Variants in ZNF79 observed in about 807,000 individuals in gnomAD.
ZNF79 encodes zinc finger protein 79.
In ZNF79, 13 loss-of-function variants were observed where a neutral mutation model predicts 14.9. The observed-to-expected ratio is 0.87, with a 90% CI of 0.57 to 1.38. The LOEUF (loss-of-function observed/expected upper bound fraction) is 1.38, where lower values mean the gene tolerates loss of function less well. Among genes scored for constraint, ZNF79 ranks in the 40% most tolerant of loss-of-function variants. The probability of loss-of-function intolerance (pLI) is 0.00; values close to 1 mark genes in which losing one functional copy is unlikely to be tolerated. For missense variants in ZNF79, 631 were observed against 630.6 expected (o/e 1.00, Z -0.01); for synonymous variants, 223 against 235.1 (o/e 0.95, Z 0.47).
intron 2 of ZNF79, among the ~76,000 whole-genome samples, chr9:127,430,201 A>G (rs1160061304): frequency 6.6e-6 from 1 of 152,152 alleles, no homozygotes; most frequent in Non-Finnish European, 1.5e-5. Context: ...AATTCGATGA[A>G]CATTCTCCCA....
intron 4 of ZNF79, among the ~76,000 whole-genome samples, chr9:127,439,047 G>A (rs182793771): frequency 3.2e-4 from 48 of 152,108 alleles, no homozygotes; most frequent in Non-Finnish European, 5.3e-4. Flanking sequence ...GGGAGGCAGA[G>A]ACTGCCATGA....
In ZNF79 at chr9:127,444,514, AC is replaced by A; in HGVS notation, c.816del (p.Gly273GlufsTer133). Reference protein sequence around the residue: ...ANLTKHQRTHTGEKPYRCSEC... With the variant: ...ANLTKHQRTHXGEKPYRCSEC... Reference sequence around the variant, plus strand: ...CCTCACCAAACACCAGCGAACCCACACCGGAGAGAAGCCCTACAGATGCAGC... The same window carrying A: ...CCTCACCAAACACCAGCGAACCCACACGGAGAGAAGCCCTACAGATGCAGC... On this transcript the variant is annotated frameshift_variant, in exon 5 of 5. Transcript: ENST00000342483. LOFTEE classifies it low-confidence loss of function (END_TRUNC). The A allele has an allele frequency of 6.2e-7, 1 of 1,611,286 alleles. No homozygotes were observed. Among genetic ancestry groups the A allele is most frequent in the Non-Finnish European group, 8.5e-7 (1 of 1,177,540 alleles).
At position 127,424,498 on chromosome 9, in the gene ZNF79, C is replaced by T. The variant is rs1833712551; in HGVS notation, c.-290C>T. Reference sequence around the variant, plus strand: ...TTGTTGCCAGTTGCCAGTTGCCAGTCGTTTTTCGGAAAGCTGGCAGCGGCT... The same window carrying T: ...TTGTTGCCAGTTGCCAGTTGCCAGTTGTTTTTCGGAAAGCTGGCAGCGGCT... On this transcript the variant is annotated 5_prime_UTR_variant, in exon 1 of 5. Coordinates refer to ENST00000342483, the MANE Select transcript of ZNF79 (RefSeq NM_007135.3). The T allele has an allele frequency of 2.5e-6, 1 of 403,064 alleles. No homozygotes were observed. Among genetic ancestry groups the T allele is most frequent in the Non-Finnish European group, 4.6e-6 (1 of 218,854 alleles). The allele number at this position is 403,064 out of a possible 1,614,324, so 25.0% of individuals were successfully genotyped here. A position where few individuals can be genotyped will look rare whatever the true frequency, so the allele number is the denominator to read the frequency against.
At position 127,445,299 on chromosome 9, in the gene ZNF79, TCTAA is replaced by T. The variant is rs1409605491; in HGVS notation, c.*105_*108del. 4.6e-6 allele frequency: 6 copies of T among 1,315,720 alleles called. No homozygotes were observed. The highest frequency in any genetic ancestry group is 1.5e-5 in the African/African-American group (1 of 68,202). The allele number at this position is 1,315,720 out of a possible 1,614,324, so 81.5% of individuals were successfully genotyped here. ...AAAGGCTTGAAAGCATCTGAAGACA[TCTAA>T]CTTAGAGTCTGCAGCCCAGAGCCAC... On this transcript the variant is annotated 3_prime_UTR_variant, in exon 5 of 5. Transcript: ENST00000342483.
chr9:127,445,257 A>G lies in ZNF79; in HGVS notation c.*60A>G, dbSNP rs1834150549. ...CATGCCGACTCAGGACAGGTGGGTGAGGATCTGAGAAATGCTAAAGGCTTG... is the reference window on the plus strand; with the variant it reads ...CATGCCGACTCAGGACAGGTGGGTGGGGATCTGAGAAATGCTAAAGGCTTG... On this transcript the variant is annotated 3_prime_UTR_variant, in exon 5 of 5. Transcript: ENST00000342483. 2 of 1,548,974 alleles carry G rather than the reference A, an allele frequency of 1.3e-6. No homozygotes were observed. The highest frequency in any genetic ancestry group is 1.8e-6 in the Non-Finnish European group (2 of 1,139,936).
In ZNF79 at chr9:127,435,756, C is replaced by T. The variant is rs181259649; in HGVS notation, c.233-152C>T. On this transcript the variant is annotated intron_variant, in intron 3 of 4. Transcript: ENST00000342483. ...CCATGTCTCTTATGTACTGCTATAG[C>T]CCCTGGTGTAGGCACTAAGTAAGAG... 68 of 671,928 alleles carry T rather than the reference C, an allele frequency of 1.0e-4. No homozygotes were observed. In the East Asian group the frequency reaches 1.7e-3, roughly 17 times the overall value. 41.6% of individuals were successfully genotyped at this position (671,928 alleles called of 1,614,324 possible).
In ZNF79 at chr9:127,444,181, CAG is replaced by C. The variant is rs1564238804; in HGVS notation, c.486_487del (p.Arg162SerfsTer11). On this transcript the variant is annotated frameshift_variant, in exon 5 of 5. Transcript: ENST00000342483. LOFTEE classifies it low-confidence loss of function (END_TRUNC). ...FNLRPVLSPQQRVPVEARPRK... is the reference protein window; with the variant it reads ...FNLRPVLSPQXRVPVEARPRK... ...TCTGAGACCAGTCCTCTCTCCGCAACAGAGAGTGCCCGTGGAAGCGAGACCTC... is the reference window on the plus strand; with the variant it reads ...TCTGAGACCAGTCCTCTCTCCGCAACAGAGTGCCCGTGGAAGCGAGACCTC... 4 of 1,613,968 alleles carry C rather than the reference CAG, an allele frequency of 2.5e-6. No individual in the cohort carries two copies. Among genetic ancestry groups the C allele is most frequent in the African/African-American group, 2.7e-5 (2 of 74,944 alleles).
chr9:127,427,673 C>T (rs911467645), intron 1 of ZNF79, among the ~76,000 whole-genome samples: 9 of 151,598 alleles, frequency 5.9e-5, no homozygotes, highest in African/African-American at 2.2e-4. Flanking sequence ...TCCCAGGTAG[C>T]TGGGCCTGCA....
chr9:127,433,964 C>G (rs975314249), intron 2 of ZNF79, among the ~76,000 whole-genome samples: 1 of 152,204 alleles, frequency 6.6e-6, no homozygotes, highest in East Asian at 1.9e-4. Flanking sequence ...GCCTCCATCT[C>G]AAGACACAGT....
At position 127,435,109 on chromosome 9, in the gene ZNF79, G is replaced by T. The variant is rs1458280603; in HGVS notation, c.125G>T (p.Ser42Ile). Residue 42 changes from serine (S) to isoleucine (I), a missense_variant, in exon 3 of 5, where the codon AGT (serine) becomes ATT (isoleucine). Ser to Ile is a moderately radical substitution (Grantham distance 142). Coordinates refer to ENST00000342483, the MANE Select transcript of ZNF79 (RefSeq NM_007135.3). The stretch of plus-strand genomic sequence containing the variant: ...TTTCAGGGATCCACATTCTTCAGCA[G>T]TGTGACGGTAGCTTTTGCACAGGAA... ...AGPRGSTFFS[S>I]VTVAFAQERW... is the part of the protein sequence containing the mutation. 1.2e-6 allele frequency: 2 copies of T among 1,612,638 alleles called. No individual in the cohort carries two copies. The highest frequency in any genetic ancestry group is 1.7e-6 in the Non-Finnish European group (2 of 1,179,368).
chr9:127,428,977 T>A, intron 2 of ZNF79, 57 bp downstream of exon 2: 1 of 1,178,756 alleles, frequency 8.5e-7, no homozygotes, highest in South Asian at 1.6e-5. Context: ...ATACTAATGG[T>A]AGGGTTGCCT....
At chr9:127,427,423 C>CAA (rs943775965) in intron 1 of ZNF79, among the ~76,000 whole-genome samples, 10 of 90,270 alleles carry the variant, frequency 1.1e-4, no homozygotes, top group African/African-American at 3.1e-4. Flanking sequence ...AACTCCGTCT[C>CAA]AAAAAAAAAA....
At position 127,444,012 on chromosome 9, in the gene ZNF79, T is replaced by C; in HGVS notation, c.329-17T>C. The C allele has an allele frequency of 6.5e-7, 1 of 1,536,268 alleles. No individual in the cohort carries two copies. Among genetic ancestry groups the C allele is most frequent in the Non-Finnish European group, 8.8e-7 (1 of 1,138,736 alleles). On this transcript the variant is annotated splice_polypyrimidine_tract_variant and intron_variant, in intron 4 of 4. Transcript: ENST00000342483. ...CTTCCACCAAGGGAACACAACAGCT[T>C]TTCATTTTTTTTTCAGGCTGGAAGA... is the stretch of plus-strand genomic sequence containing the variant.
At chr9:127,429,133 G>T (rs1044025103) in intron 2 of ZNF79, among the ~76,000 whole-genome samples, 1 of 152,078 alleles carries the variant, frequency 6.6e-6, no homozygotes. Flanking sequence ...TCTTGCTTCA[G>T]CTCCCAGGTA....
At chr9:127,427,064 G>A (rs76616500) in intron 1 of ZNF79, among the ~76,000 whole-genome samples, 2,158 of 152,030 alleles carry the variant, frequency 0.014, 54 homozygotes, top group African/African-American at 0.05. Flanking sequence ...TTTCATGTAG[G>A]GAGTGGCTAT....
chr9:127,442,270 G>A (rs573413291), intron 4 of ZNF79, among the ~76,000 whole-genome samples: 36 of 151,412 alleles, frequency 2.4e-4, no homozygotes, highest in African/African-American at 7.0e-4. Flanking sequence ...GCATGGTGGC[G>A]GGCACCTGTA....
intron 2 of ZNF79, among the ~76,000 whole-genome samples, chr9:127,429,986 T>C (rs1376048462): frequency 1.3e-5 from 2 of 152,012 alleles, no homozygotes; most frequent in African/African-American, 4.8e-5. Context: ...CCAGCTAATT[T>C]TTGTATTTTT....
chr9:127,429,517 G>A (rs1833823431), intron 2 of ZNF79, among the ~76,000 whole-genome samples: 3 of 147,562 alleles, frequency 2.0e-5, no homozygotes, highest in Non-Finnish European at 4.5e-5. Flanking sequence ...CTTTTGTAGA[G>A]TCAGGGTTTT....
chr9:127,445,085 A>G lies in ZNF79; in HGVS notation c.1385A>G (p.Gln462Arg). Reference protein sequence around the residue: ...KAFNQSSSLSQHQRIHTGVKP... With the variant: ...KAFNQSSSLSRHQRIHTGVKP... ...TTTAACCAGAGCTCATCCCTTAGTC[A>G]GCATCAGAGAATCCACACAGGCGTG... Residue 462 changes from glutamine to arginine, a missense_variant, in exon 5 of 5, where the codon CAG becomes CGG. Gln to Arg is a conservative substitution (Grantham distance 43, BLOSUM62 1). Coordinates refer to ENST00000342483, the MANE Select transcript of ZNF79 (RefSeq NM_007135.3). 6.2e-7 allele frequency: 1 copy of G among 1,613,950 alleles called. No homozygotes were observed. The highest frequency in any genetic ancestry group is 8.5e-7 in the Non-Finnish European group (1 of 1,179,988).
Sources: allele counts gnomAD v4.1 joint callset (sites outside exome capture counted in the v4.1 genomes callset), GRCh38; gene constraint gnomAD v4.1.1; transcripts MANE v1.5; gene names NCBI Gene and HGNC (gene_info 2026-07-23, HGNC 2026-07-21).